The following ASIC2 variants were observed in gnomAD, a reference collection of about 807,000 sequenced individuals.
ASIC2 encodes the protein acid sensing ion channel subunit 2, also known as acid-sensing ion channel 2.
Under a neutral mutation model 57.3 loss-of-function variants are expected in ASIC2, and 25 were observed. That is an observed-to-expected ratio of 0.44 (90% confidence interval 0.32 to 0.61). The LOEUF is 0.61. ASIC2 is among the 20% of genes least tolerant of loss of function. The pLI is 0.06. For missense variants in ASIC2, 641 were observed against 738.1 expected, an observed-to-expected ratio of 0.87 and a Z score of 1.52; for synonymous variants, 319 against 307.5, an observed-to-expected ratio of 1.04 and a Z score of -0.39.
intron 1 of ASIC2, among the ~76,000 whole-genome samples, chr17:33,165,667 T>C (rs1428196283): frequency 3.9e-5 from 6 of 152,144 alleles, no homozygotes; most frequent in Non-Finnish European, 8.8e-5. Flanking sequence ...CCAAGCACTT[T>C]CTCACTCATT....
intron 1 of ASIC2, among the ~76,000 whole-genome samples, chr17:33,376,830 A>T (rs1162695067): frequency 6.6e-6 from 1 of 152,178 alleles, no homozygotes; most frequent in Admixed American, 6.5e-5. Flanking sequence ...CATCTCATGT[A>T]GCGGTTGTTG....
chr17:33,189,394 ACAAGTAAGT>A (rs1906326109), intron 1 of ASIC2, among the ~76,000 whole-genome samples: 1 of 152,218 alleles, frequency 6.6e-6, no homozygotes, highest in Non-Finnish European at 1.5e-5. Flanking sequence ...AGAAGGCAGG[ACAAGTAAGT>A]GGAAAAGGGA....
chr17:34,082,124 C>T, intron 1 of ASIC2: 1 of 152,198 alleles, frequency 6.6e-6, no homozygotes, highest in East Asian at 1.9e-4. Context: ...GCTTAAAGGT[C>T]TTTCTCAAGT....
intron 1 of ASIC2, among the ~76,000 whole-genome samples, chr17:33,618,984 T>G (rs1253097243): frequency 2.6e-5 from 4 of 152,212 alleles, no homozygotes; most frequent in African/African-American, 4.8e-5. Context: ...GTGTGAATTT[T>G]TCCTGGAACC....
intron 1 of ASIC2, among the ~76,000 whole-genome samples, chr17:33,353,934 T>C (rs1436072968): frequency 6.6e-6 from 1 of 152,158 alleles, no homozygotes; most frequent in East Asian, 1.9e-4. Context: ...TAAGACTGGG[T>C]AATTTATAAA....
intron 1 of ASIC2, among the ~76,000 whole-genome samples, chr17:33,378,602 T>C (rs905936283): frequency 6.6e-6 from 1 of 152,236 alleles, no homozygotes; most frequent in Non-Finnish European, 1.5e-5. Flanking sequence ...GTGGTCAAAC[T>C]GACAAAATAT....
chr17:33,968,921 G>T (rs189360317), intron 1 of ASIC2, among the ~76,000 whole-genome samples: 1 of 152,198 alleles, frequency 6.6e-6, no homozygotes, highest in African/African-American at 2.4e-5. Context: ...GGTGAAGGGT[G>T]GTCAGCCTTT....
intron 1 of ASIC2, among the ~76,000 whole-genome samples, chr17:33,233,666 A>G (rs1178567647): frequency 6.6e-6 from 1 of 151,984 alleles, no homozygotes; most frequent in East Asian, 1.9e-4. Context: ...TGTAGGCCAC[A>G]CATGCTGTGT....
chr17:33,195,987 C>T (rs1459620319), intron 1 of ASIC2, among the ~76,000 whole-genome samples: 2 of 152,160 alleles, frequency 1.3e-5, no homozygotes, highest in African/African-American at 4.8e-5. Context: ...ATTACACATG[C>T]CCTGTCTTAC....
intron 1 of ASIC2, among the ~76,000 whole-genome samples, chr17:33,133,784 T>C (rs2092357083): frequency 6.6e-6 from 1 of 151,880 alleles, no homozygotes; most frequent in South Asian, 2.1e-4. Flanking sequence ...ATCACTACCA[T>C]CAAAAGGATA....
chr17:33,925,743 G>C (rs935615914), intron 1 of ASIC2, among the ~76,000 whole-genome samples: 1 of 152,190 alleles, frequency 6.6e-6, no homozygotes, highest in Non-Finnish European at 1.5e-5. Context: ...CTGGGGTTCA[G>C]TTTTGACTTG....
chr17:33,586,740 A>G (rs947832551), intron 1 of ASIC2, among the ~76,000 whole-genome samples: 3 of 152,100 alleles, frequency 2.0e-5, no homozygotes, highest in African/African-American at 7.2e-5. Context: ...TTCTCTCCCA[A>G]TCCATCTAAA....
intron 1 of ASIC2, among the ~76,000 whole-genome samples, chr17:33,475,174 C>T (rs1043525843): frequency 1.3e-5 from 2 of 152,086 alleles, no homozygotes; most frequent in African/African-American, 2.4e-5. Flanking sequence ...TGCTGCCCTT[C>T]GAAAAGTCAT....
intron 1 of ASIC2, among the ~76,000 whole-genome samples, chr17:33,390,641 A>G (rs1236703081): frequency 6.6e-6 from 1 of 152,154 alleles, no homozygotes; most frequent in African/African-American, 2.4e-5. Context: ...CAGTTTCTTG[A>G]GGACTGTTGA....
chr17:33,970,038 C>T (rs74351114), intron 1 of ASIC2, among the ~76,000 whole-genome samples: 7 of 152,162 alleles, frequency 4.6e-5, no homozygotes, highest in Non-Finnish European at 1.0e-4. Flanking sequence ...TCTCAACGTG[C>T]CTATTTCCTC....
rs375953602 is a variant in ASIC2, at chr17:33,238,052, C to T, written c.708+53356G>A. Among the ~76,000 whole-genome samples, 9 of 152,292 alleles carry T rather than the reference C, an allele frequency of 5.9e-5. No homozygotes were observed. In the East Asian group the frequency reaches 1.7e-3, roughly 29 times the overall value. ...CAAACCCGGTAGGCCTGTGTGGTTCCGAAGCTAGAGCCACTCAGCAATGTA... is the reference window on the plus strand; with the variant it reads ...CAAACCCGGTAGGCCTGTGTGGTTCTGAAGCTAGAGCCACTCAGCAATGTA... On this transcript the variant is annotated intron_variant, in intron 1 of 9. Transcript: ENST00000225823.
chr17:33,380,233 GA>G (rs1909431130), intron 1 of ASIC2, among the ~76,000 whole-genome samples: 1 of 98,560 alleles, frequency 1.0e-5, no homozygotes, highest in South Asian at 4.0e-4. Context: ...GCAACAGAGG[GA>G]AACCCTGTCT....
intron 1 of ASIC2, among the ~76,000 whole-genome samples, chr17:34,123,852 T>A (rs1367421637): frequency 6.6e-6 from 1 of 152,062 alleles, no homozygotes; most frequent in Non-Finnish European, 1.5e-5. Context: ...GAAGTTGAGG[T>A]GGGCAGATCA....
At chr17:33,649,459 C>T (rs1418449147) in intron 1 of ASIC2, among the ~76,000 whole-genome samples, 1 of 152,154 alleles carries the variant, frequency 6.6e-6, no homozygotes, top group African/African-American at 2.4e-5. Context: ...CAACTCTTCC[C>T]AAATTGACAT....
Sources: allele counts gnomAD v4.1 joint callset (sites outside exome capture counted in the v4.1 genomes callset), GRCh38; gene constraint gnomAD v4.1.1; transcripts MANE v1.5; gene names NCBI Gene and HGNC (gene_info 2026-07-23, HGNC 2026-07-21).